The following MAPDA variants were observed in gnomAD, a reference collection of about 807,000 sequenced individuals.
MAPDA encodes N6,N6-dimethyl-AMP deaminase.
the MAPDA span, chr15:43,353,710 A>G: frequency 6.6e-6 from 1 of 152,270 alleles, no homozygotes; most frequent in Non-Finnish European, 1.5e-5. Flanking sequence ...TGAAGCCTCC[A>G]TAAAACTCCA....
chr15:43,349,455 C>A, the MAPDA span: 1 of 638,732 alleles, frequency 1.6e-6, no homozygotes, highest in Non-Finnish European at 2.0e-6. Context: ...ACTTGATTGT[C>A]TATGTGTTTA....
the MAPDA span, chr15:43,348,987 C>T: frequency 8.3e-3 from 13,402 of 1,614,154 alleles, 91 homozygotes; most frequent in Non-Finnish European, 9.4e-3. Flanking sequence ...TTCTCAACTC[C>T]GGTGAGGGAG....
the MAPDA span, chr15:43,333,299 T>C: frequency 1.3e-5 from 2 of 152,008 alleles, no homozygotes; most frequent in Non-Finnish European, 2.9e-5. Flanking sequence ...GCCTGTGATC[T>C]CTGCTGCTTA....
chr15:43,340,310 T>C, the MAPDA span: 1 of 1,614,022 alleles, frequency 6.2e-7, no homozygotes, highest in Non-Finnish European at 8.5e-7. Context: ...CGGCGTCAAG[T>C]ACCTGGAACT....
chr15:43,352,134 G>A, the MAPDA span: 2 of 471,314 alleles, frequency 4.2e-6, no homozygotes, highest in African/African-American at 4.0e-5. Context: ...GCTCTCAGGT[G>A]CTTACTGGGT....
chr15:43,337,644 A>T, the MAPDA span, among the ~76,000 whole-genome samples: 3 of 152,372 alleles, frequency 2.0e-5, no homozygotes, highest in East Asian at 1.9e-4. Flanking sequence ...AAGAAAGTAT[A>T]ACCTGTTTCT....
the MAPDA span, chr15:43,346,892 T>A: frequency 1.4e-6 from 1 of 736,802 alleles, no homozygotes; most frequent in African/African-American, 1.8e-5. Context: ...ATAAACAAGA[T>A]GTGCAAATGA....
chr15:43,341,162 T>G, the MAPDA span, among the ~76,000 whole-genome samples: 3 of 152,212 alleles, frequency 2.0e-5, no homozygotes, highest in Admixed American at 2.0e-4. Context: ...TCATCTTGTT[T>G]CCTGATATAT....
chr15:43,338,131 T>C, the MAPDA span, among the ~76,000 whole-genome samples: 1 of 152,274 alleles, frequency 6.6e-6, no homozygotes, highest in Non-Finnish European at 1.5e-5. Context: ...TGCTTGTTGC[T>C]ACATTCATTT....
At chr15:43,330,564 C>G in the MAPDA span, 7 of 1,464,698 alleles carry the variant, frequency 4.8e-6, no homozygotes, top group African/African-American at 1.4e-5. Flanking sequence ...CCTCACGGAC[C>G]TCGGTAGGGG....
chr15:43,343,790 T>G, the MAPDA span, among the ~76,000 whole-genome samples: 1 of 151,872 alleles, frequency 6.6e-6, no homozygotes, highest in Non-Finnish European at 1.5e-5. Flanking sequence ...TAGTATGGGC[T>G]CAGTAAAGCC....
chr15:43,349,119 C>T, the MAPDA span: 3 of 1,605,160 alleles, frequency 1.9e-6, no homozygotes, highest in Middle Eastern at 3.3e-4. Flanking sequence ...CTGGGGATTA[C>T]AGAGAAGTAC....
the MAPDA span, chr15:43,336,763 A>T: frequency 8.2e-7 from 1 of 1,218,342 alleles, no homozygotes; most frequent in South Asian, 1.6e-5. Context: ...ATGGCCTTTC[A>T]TTTTTGCTCT....
chr15:43,341,136 C>T, the MAPDA span, among the ~76,000 whole-genome samples: 41,886 of 152,016 alleles, frequency 0.28, 9,021 homozygotes, highest in African/African-American at 0.59. Flanking sequence ...TTGTTTATGA[C>T]CCAAAGAGAC....
At chr15:43,330,617 A>G in the MAPDA span, 8 of 1,128,524 alleles carry the variant, frequency 7.1e-6, no homozygotes, top group African/African-American at 1.6e-5. Context: ...TTCCGCCGGC[A>G]CTTGTGCGTC....
chr15:43,351,312 G>C, the MAPDA span: 1 of 323,330 alleles, frequency 3.1e-6, no homozygotes, highest in Non-Finnish European at 5.6e-6. Flanking sequence ...GGCAACAAGA[G>C]TGAAACTCCA....
chr15:43,346,561 G>C, the MAPDA span, among the ~76,000 whole-genome samples: 1 of 152,366 alleles, frequency 6.6e-6, no homozygotes, highest in South Asian at 2.1e-4. Context: ...ATTGCTCCTG[G>C]TTGAAAACAG....
At chr15:43,346,051 C>T in the MAPDA span, 1 of 1,584,300 alleles carries the variant, frequency 6.3e-7, no homozygotes, top group African/African-American at 1.3e-5. Flanking sequence ...TAGCTTCGGG[C>T]ATCTTGCATT....
At chr15:43,335,845 T>C in the MAPDA span, 3 of 1,600,800 alleles carry the variant, frequency 1.9e-6, no homozygotes, top group Non-Finnish European at 2.5e-6. Context: ...GGGGAGGTTG[T>C]GGACATACTC....
Sources: allele counts gnomAD v4.1 joint callset (sites outside exome capture counted in the v4.1 genomes callset), GRCh38; gene constraint gnomAD v4.1.1; transcripts MANE v1.5; gene names NCBI Gene and HGNC (gene_info 2026-07-23, HGNC 2026-07-21).